Variants in GALNT17 observed in about 807,000 individuals in gnomAD.
GALNT17 encodes UDP-GalNAc:polypeptide N-acetylgalactosaminyltransferase-like 3.
In GALNT17, 29 loss-of-function variants were observed where a neutral mutation model predicts 63.7. The observed-to-expected ratio is 0.46, with a 90% CI of 0.34 to 0.62. GALNT17 has a LOEUF of 0.62. Ranked by LOEUF, GALNT17 falls within the 20% of genes least tolerant of loss-of-function variation. GALNT17 has a pLI of 0.01. For missense variants in GALNT17, 603 were observed against 799.6 expected, an observed-to-expected ratio of 0.75 and a Z score of 2.97; for synonymous variants, 305 against 318.3, an observed-to-expected ratio of 0.96 and a Z score of 0.45.
At chr7:71,151,605 G>A (rs941469832) in intron 1 of GALNT17, among the ~76,000 whole-genome samples, 1 of 144,978 alleles carries the variant, frequency 6.9e-6, no homozygotes, top group Admixed American at 7.1e-5. Context: ...GGGCGACACA[G>A]CAAGACTCCA....
At chr7:71,561,642 T>A (rs1789257808) in intron 5 of GALNT17, among the ~76,000 whole-genome samples, 1 of 152,018 alleles carries the variant, frequency 6.6e-6, no homozygotes, top group Non-Finnish European at 1.5e-5. Context: ...ACCATCATCA[T>A]GATAGAATTT....
At chr7:71,526,610 C>T (rs571375349) in intron 5 of GALNT17, among the ~76,000 whole-genome samples, 335 of 152,268 alleles carry the variant, frequency 2.2e-3, no homozygotes, top group Non-Finnish European at 3.0e-3. Flanking sequence ...ACCTTTGCCT[C>T]CTGGGTTCAA....
intron 5 of GALNT17, among the ~76,000 whole-genome samples, chr7:71,511,307 G>C (rs1788351587): frequency 6.6e-6 from 1 of 152,208 alleles, no homozygotes; most frequent in African/African-American, 2.4e-5. Flanking sequence ...TAGGAAACCA[G>C]GGTGCCTGGA....
At chr7:71,359,967 G>A (rs1171935375) in intron 2 of GALNT17, among the ~76,000 whole-genome samples, 1 of 152,126 alleles carries the variant, frequency 6.6e-6, no homozygotes, top group Non-Finnish European at 1.5e-5. Context: ...TTTTAAGTGG[G>A]GAGATACTAG....
intron 5 of GALNT17, among the ~76,000 whole-genome samples, chr7:71,479,807 G>T (rs1403858069): frequency 1.3e-5 from 2 of 150,744 alleles, no homozygotes; most frequent in Non-Finnish European, 3.0e-5. Flanking sequence ...CAGGCAATGG[G>T]TCCACTTTGG....
At chr7:71,172,791 A>G (rs1788569066) in intron 1 of GALNT17, among the ~76,000 whole-genome samples, 1 of 152,238 alleles carries the variant, frequency 6.6e-6, no homozygotes, top group African/African-American at 2.4e-5. Flanking sequence ...AAGTAATCTG[A>G]TAACTGAGAT....
chr7:71,297,548 G>GGAGGATTGCTTA (rs1791104875), intron 1 of GALNT17, among the ~76,000 whole-genome samples: 1 of 99,832 alleles, frequency 1.0e-5, no homozygotes, highest in Non-Finnish European at 2.4e-5. Flanking sequence ...AGGATTGCTT[G>GGAGGATTGCTTA]GGCCCAGGAG....
chr7:71,210,217 C>T (rs1789350871), intron 1 of GALNT17, among the ~76,000 whole-genome samples: 1 of 152,208 alleles, frequency 6.6e-6, no homozygotes, highest in African/African-American at 2.4e-5. Context: ...ACAAGAATAG[C>T]ATGGGAAAGA....
chr7:71,707,488 A>G (rs1791737431), intron 9 of GALNT17, among the ~76,000 whole-genome samples: 1 of 152,194 alleles, frequency 6.6e-6, no homozygotes, highest in Non-Finnish European at 1.5e-5. Context: ...CCTTCCCTGT[A>G]TCAGTCAGGA....
At chr7:71,375,987 G>T (rs567864568) in intron 2 of GALNT17, among the ~76,000 whole-genome samples, 25 of 152,188 alleles carry the variant, frequency 1.6e-4, no homozygotes, top group African/African-American at 5.8e-4. Flanking sequence ...GCTGAGGTAG[G>T]ATAATCAGTT....
intron 9 of GALNT17, 60 bp from the exon 10 acceptor site, chr7:71,710,701 C>A: frequency 6.3e-7 from 1 of 1,584,846 alleles, no homozygotes. Flanking sequence ...GCCCTGCTTC[C>A]TCCCATGTCT....
At chr7:71,371,224 A>G (rs190668689) in intron 2 of GALNT17, among the ~76,000 whole-genome samples, 1 of 152,296 alleles carries the variant, frequency 6.6e-6, no homozygotes, top group Non-Finnish European at 1.5e-5. Context: ...TTGATTTTGC[A>G]ATATGATTTT....
At chr7:71,515,868 G>A (rs1365077828) in intron 5 of GALNT17, among the ~76,000 whole-genome samples, 2 of 152,140 alleles carry the variant, frequency 1.3e-5, no homozygotes, top group Admixed American at 6.6e-5. Flanking sequence ...AATATTTGAA[G>A]GGGAAAGAGC....
At chr7:71,576,220 G>A (rs1789534727) in intron 6 of GALNT17, among the ~76,000 whole-genome samples, 1 of 152,164 alleles carries the variant, frequency 6.6e-6, no homozygotes, top group South Asian at 2.1e-4. Context: ...GAAGACAAGG[G>A]AGACACACTT....
intron 1 of GALNT17, among the ~76,000 whole-genome samples, chr7:71,176,761 A>G (rs780636483): frequency 3.3e-5 from 5 of 152,108 alleles, no homozygotes; most frequent in South Asian, 2.1e-4. Flanking sequence ...TGTGTCCCCA[A>G]GCCTGCTGGG....
chr7:71,661,852 A>G (rs544030210), intron 6 of GALNT17, among the ~76,000 whole-genome samples: 1 of 152,328 alleles, frequency 6.6e-6, no homozygotes, highest in East Asian at 1.9e-4. Flanking sequence ...CACAGAGCCC[A>G]GGACAGGAAG....
At chr7:71,235,633 C>CT (rs1583785604) in intron 1 of GALNT17, among the ~76,000 whole-genome samples, 1 of 152,152 alleles carries the variant, frequency 6.6e-6, no homozygotes, top group African/African-American at 2.4e-5. Context: ...AAAAGTCAGG[C>CT]TTTTATCAAT....
In GALNT17 at chr7:71,636,758, G is replaced by A. The variant is rs6947905; in HGVS notation, c.1081-28653G>A. ...CATTTTTCTCCAGTCTTATTCAGTC[G>A]TTGGGATATTGGTCCAGAAAATGCA... is the stretch of plus-strand genomic sequence containing the variant. On this transcript the variant is annotated intron_variant, in intron 6 of 10. Coordinates refer to ENST00000333538, the MANE Select transcript of GALNT17 (RefSeq NM_022479.3). Among the ~76,000 whole-genome samples the A allele has an allele frequency of 6.6e-3, 999 of 152,282 alleles. 9 individuals are homozygous for A. Among genetic ancestry groups the A allele is most frequent in the African/African-American group, 0.022 (908 of 41,546 alleles).
chr7:71,609,223 T>C (rs899710910), intron 6 of GALNT17, among the ~76,000 whole-genome samples: 1 of 152,244 alleles, frequency 6.6e-6, no homozygotes, highest in Non-Finnish European at 1.5e-5. Context: ...TCGTTTATTC[T>C]GAATCTTTTG....
Sources: allele counts gnomAD v4.1 joint callset (sites outside exome capture counted in the v4.1 genomes callset), GRCh38; gene constraint gnomAD v4.1.1; transcripts MANE v1.5; gene names NCBI Gene and HGNC (gene_info 2026-07-23, HGNC 2026-07-21).